The following KCNIP1 variants were observed in gnomAD, a reference collection of about 807,000 sequenced individuals.
KCNIP1 encodes A-type potassium channel modulatory protein KCNIP1.
KCNIP1 carries 18 observed loss-of-function variants against 33.0 expected under a neutral mutation model. The observed-to-expected ratio is 0.55, with a 90% confidence interval of 0.38 to 0.81. The LOEUF (loss-of-function observed/expected upper bound fraction) is 0.81. Among genes scored for constraint, KCNIP1 ranks in the 30% least tolerant of loss-of-function variants. The pLI, the probability that KCNIP1 is intolerant of heterozygous loss-of-function variation, is 0.00. For synonymous variants in KCNIP1, 93 were observed against 98.3 expected (o/e 0.95, Z 0.32); for missense variants, 238 against 271.6 (o/e 0.88, Z 0.87).
intron 1 of KCNIP1, among the ~76,000 whole-genome samples, chr5:170,371,160 C>T (rs1260859921): frequency 2.6e-5 from 4 of 152,172 alleles, no homozygotes; most frequent in Admixed American, 2.0e-4. Flanking sequence ...ATCGCTGCAA[C>T]CATGGTGTGC....
chr5:170,665,812 G>A (rs1761680608), intron 1 of KCNIP1, among the ~76,000 whole-genome samples: 1 of 152,188 alleles, frequency 6.6e-6, no homozygotes, highest in African/African-American at 2.4e-5. Flanking sequence ...GCAGATGACT[G>A]TAGAATGTCC....
At chr5:170,687,997 G>C (rs1488868539) in intron 1 of KCNIP1, among the ~76,000 whole-genome samples, 9 of 135,544 alleles carry the variant, frequency 6.6e-5, no homozygotes. Context: ...GGATTTCCAA[G>C]AGAAAAAGAA....
At chr5:170,457,540 TACCAGCC>T (rs1756412450) in intron 1 of KCNIP1, among the ~76,000 whole-genome samples, 1 of 152,152 alleles carries the variant, frequency 6.6e-6, no homozygotes, top group Non-Finnish European at 1.5e-5. Flanking sequence ...CAACCCCCAG[TACCAGCC>T]TGGAACCTGG....
intron 1 of KCNIP1, among the ~76,000 whole-genome samples, chr5:170,533,072 G>A (rs1432077607): frequency 1.3e-5 from 2 of 152,192 alleles, no homozygotes; most frequent in Non-Finnish European, 2.9e-5. Context: ...GTCTGCAGTT[G>A]TAAAAGTCTG....
intron 5 of KCNIP1, among the ~76,000 whole-genome samples, chr5:170,727,984 T>C (rs1764066490): frequency 6.6e-6 from 1 of 152,136 alleles, no homozygotes; most frequent in African/African-American, 2.4e-5. Context: ...ATGACTAACA[T>C]AGGGTTTATT....
intron 1 of KCNIP1, among the ~76,000 whole-genome samples, chr5:170,494,353 G>C (rs1278952721): frequency 6.6e-6 from 1 of 152,174 alleles, no homozygotes; most frequent in Non-Finnish European, 1.5e-5. Context: ...AATGCAAGAA[G>C]GAGCAACAGA....
intron 1 of KCNIP1, among the ~76,000 whole-genome samples, chr5:170,443,023 G>C (rs890696709): frequency 1.3e-5 from 2 of 152,194 alleles, no homozygotes; most frequent in African/African-American, 4.8e-5. Context: ...GTGGGCTCTG[G>C]GTGGGCAAAC....
At chr5:170,653,406 C>G (rs558035817) in intron 1 of KCNIP1, among the ~76,000 whole-genome samples, 1 of 152,200 alleles carries the variant, frequency 6.6e-6, no homozygotes, top group South Asian at 2.1e-4. Context: ...TCATCATCAT[C>G]ATCATCATCA....
intron 1 of KCNIP1, among the ~76,000 whole-genome samples, chr5:170,621,223 G>A (rs764204772): frequency 1.3e-5 from 2 of 152,238 alleles, no homozygotes; most frequent in Admixed American, 6.5e-5. Context: ...ATTAGGCATA[G>A]AAACAGTCTG....
Position 170,735,915 on chromosome 5 carries a change from C to A in KCNIP1, c.*109C>A. ...TACACACCAACTCTTGGGACAGAAA[C>A]ACCTTTTACACTTTGGAAGAATTCT... On this transcript the variant is annotated 3_prime_UTR_variant, in exon 8 of 8. Transcript: ENST00000328939. The A allele has an allele frequency of 1.1e-6, 1 of 915,780 alleles. No individual in the cohort carries two copies. Among genetic ancestry groups the A allele is most frequent in the Non-Finnish European group, 1.7e-6 (1 of 573,594 alleles). The allele number at this position is 915,780 out of a possible 1,614,324, so 56.7% of individuals were successfully genotyped here.
chr5:170,726,319 A>T (rs1764002725), intron 5 of KCNIP1, among the ~76,000 whole-genome samples: 1 of 152,226 alleles, frequency 6.6e-6, no homozygotes, highest in South Asian at 2.1e-4. Flanking sequence ...AATAGGCAAA[A>T]GATTTGATGA....
Position 170,654,610 on chromosome 5 carries a change from T to C in KCNIP1, c.62-64148T>C, listed in dbSNP as rs990570655. Reference sequence around the variant, plus strand: ...TTCGTTCCAGCTACTGTTGGATTTGTTCATTACTGTTTCCCATGCAGATAT... The same window carrying C: ...TTCGTTCCAGCTACTGTTGGATTTGCTCATTACTGTTTCCCATGCAGATAT... On this transcript the variant is annotated intron_variant, in intron 1 of 7. Transcript: ENST00000328939. Among the ~76,000 whole-genome samples, 6 of 152,234 alleles carry C rather than the reference T, an allele frequency of 3.9e-5. 1 individual carries two copies. The highest frequency in any genetic ancestry group is 1.4e-4 in the African/African-American group (6 of 41,468).
Position 170,421,503 on chromosome 5 carries a change from T to C in KCNIP1, c.88+67539T>C, listed in dbSNP as rs367754507. 1.2e-4 allele frequency among the ~76,000 whole-genome samples: 19 copies of C among 152,324 alleles called. No individual in the cohort carries two copies. In the East Asian group the frequency reaches 1.9e-3, roughly 15 times the overall value. On this transcript the variant is annotated intron_variant, in intron 1 of 7. Transcript: ENST00000377360. ...ACATTTCTGAAGGCTGGGAAATCCA[T>C]GATTAAGAGTTGGTGTCTGGTGGGA...
At chr5:170,425,424 G>T (rs1350573076) in intron 1 of KCNIP1, among the ~76,000 whole-genome samples, 2 of 152,146 alleles carry the variant, frequency 1.3e-5, no homozygotes, top group Non-Finnish European at 2.9e-5. Context: ...TTCTCCAGGT[G>T]GCCTGGCCAT....
At chr5:170,598,906 T>TGC (rs1758572961) in intron 1 of KCNIP1, among the ~76,000 whole-genome samples, 1 of 130,142 alleles carries the variant, frequency 7.7e-6, no homozygotes, top group South Asian at 2.5e-4. Flanking sequence ...TGTGTGCGCG[T>TGC]GTGTGTGTGT....
intron 1 of KCNIP1, among the ~76,000 whole-genome samples, chr5:170,624,681 G>A (rs1448021465): frequency 1.4e-5 from 2 of 147,046 alleles, no homozygotes; most frequent in African/African-American, 5.0e-5. Context: ...TTCTTGTGTG[G>A]AGGGGAGGAG....
intron 1 of KCNIP1, among the ~76,000 whole-genome samples, chr5:170,417,643 T>G (rs1015418884): frequency 2.0e-5 from 3 of 152,200 alleles, no homozygotes; most frequent in Non-Finnish European, 4.4e-5. Flanking sequence ...CTGTTTTTTT[T>G]GTGGGTATAC....
At chr5:170,457,969 A>G (rs889617743) in intron 1 of KCNIP1, among the ~76,000 whole-genome samples, 1 of 152,192 alleles carries the variant, frequency 6.6e-6, no homozygotes, top group African/African-American at 2.4e-5. Flanking sequence ...GAAGGGAGAG[A>G]TTTTCAATGA....
At chr5:170,393,707 CACA>C (rs755856664) in intron 1 of KCNIP1, among the ~76,000 whole-genome samples, 6 of 152,150 alleles carry the variant, frequency 3.9e-5, no homozygotes, top group East Asian at 3.9e-4. Context: ...TAAATGGTCA[CACA>C]ACAAGACACG....
Sources: allele counts gnomAD v4.1 joint callset (sites outside exome capture counted in the v4.1 genomes callset), GRCh38; gene constraint gnomAD v4.1.1; transcripts MANE v1.5; gene names NCBI Gene and HGNC (gene_info 2026-07-23, HGNC 2026-07-21).